Variants in GAREM1 observed in about 807,000 individuals in gnomAD.
The protein encoded by GAREM1 is GRB2-associated and regulator of MAPK protein 1.
In GAREM1, 26 loss-of-function variants were observed where a neutral mutation model predicts 71.3. That is an observed-to-expected ratio of 0.36 (90% CI 0.27 to 0.51). The LOEUF (loss-of-function observed/expected upper bound fraction) is 0.51, where lower values mean the gene tolerates loss of function less well. Among genes scored for constraint, GAREM1 ranks in the 20% least tolerant of loss-of-function variants. GAREM1 has a pLI of 0.95. For synonymous variants in GAREM1, 440 were observed against 433.2 expected (o/e 1.02, Z -0.20); for missense variants, 1,026 against 1,103.1 (o/e 0.93, Z 0.99).
chr18:32,402,378 A>G (rs1385496955), intron 1 of GAREM1, among the ~76,000 whole-genome samples: 1 of 152,216 alleles, frequency 6.6e-6, no homozygotes, highest in African/African-American at 2.4e-5. Context: ...ACACTAGGAT[A>G]ACTAGAATCC....
At chr18:32,455,202 A>G (rs558546479) in intron 1 of GAREM1, among the ~76,000 whole-genome samples, 8 of 152,188 alleles carry the variant, frequency 5.3e-5, no homozygotes, top group Admixed American at 2.0e-4. Flanking sequence ...ATTGCCCTAC[A>G]TTGTTTTTTT....
intron 1 of GAREM1, among the ~76,000 whole-genome samples, chr18:32,398,964 T>C (rs1418363183): frequency 6.6e-6 from 1 of 152,156 alleles, no homozygotes; most frequent in Non-Finnish European, 1.5e-5. Flanking sequence ...AAAGAAGGCT[T>C]ATCCACCATG....
intron 1 of GAREM1, among the ~76,000 whole-genome samples, chr18:32,450,786 AGTAACAATGACAT>A (rs2048829186): frequency 6.6e-6 from 1 of 152,164 alleles, no homozygotes; most frequent in African/African-American, 2.4e-5. Flanking sequence ...GGGTCTTGCC[AGTAACAATGACAT>A]GTAAGAGGGA....
At chr18:32,320,458 C>T (rs527444771) in intron 2 of GAREM1, among the ~76,000 whole-genome samples, 36 of 151,726 alleles carry the variant, frequency 2.4e-4, no homozygotes, top group Non-Finnish European at 4.6e-4. Flanking sequence ...TTTTTCATGG[C>T]GGAGGAAGTG....
intron 2 of GAREM1, among the ~76,000 whole-genome samples, chr18:32,326,400 A>G (rs991437027): frequency 2.0e-5 from 3 of 152,176 alleles, no homozygotes; most frequent in Non-Finnish European, 2.9e-5. Flanking sequence ...GCTTGTTAGG[A>G]ATCAGTCAAA....
At chr18:32,319,360 A>G (rs1026261075) in intron 2 of GAREM1, among the ~76,000 whole-genome samples, 1 of 152,238 alleles carries the variant, frequency 6.6e-6, no homozygotes, top group Non-Finnish European at 1.5e-5. Flanking sequence ...CTTGTATTTT[A>G]ATCTTATGTA....
At chr18:32,346,310 A>C (rs2047696292) in intron 2 of GAREM1, among the ~76,000 whole-genome samples, 1 of 152,218 alleles carries the variant, frequency 6.6e-6, no homozygotes, top group African/African-American at 2.4e-5. Context: ...CAAATTTATA[A>C]TTTTAAATGT....
In GAREM1 at chr18:32,268,292, A is replaced by G; in HGVS notation, c.2210T>C (p.Val737Ala). 1 of 1,614,038 alleles carries G rather than the reference A, an allele frequency of 6.2e-7. No individual in the cohort carries two copies. Among genetic ancestry groups the G allele is most frequent in the African/African-American group, 1.3e-5 (1 of 74,990 alleles). Residue 737 changes from valine (V) to alanine (A), a missense_variant, in exon 6 of 6, where the codon GTC becomes GCC. By Grantham distance (64) the Val-to-Ala change is moderately conservative. Around this residue, in one of 3 missense-constraint regions of GAREM1, gnomAD observed 636 missense variants for 631.2 expected, o/e 1.01. Transcript: ENST00000269209. The part of the protein sequence containing the change: ...PRAPKLVEEK[V>A]ASETSPLPLK... ...AGGCAAAGGAGATGTTTCGGAGGCGACCTTCTCTTCCACTAGTTTTGGAGC... is the reference window on the plus strand; with the variant it reads ...AGGCAAAGGAGATGTTTCGGAGGCGGCCTTCTCTTCCACTAGTTTTGGAGC...
intron 1 of GAREM1, among the ~76,000 whole-genome samples, chr18:32,405,976 TA>T (rs1174587387): frequency 2.0e-4 from 30 of 152,200 alleles, no homozygotes; most frequent in Non-Finnish European, 4.0e-4. Context: ...AACATCTGTA[TA>T]CATAACCCTC....
chr18:32,325,108 G>A (rs891872819), intron 2 of GAREM1, among the ~76,000 whole-genome samples: 1 of 152,024 alleles, frequency 6.6e-6, no homozygotes, highest in Non-Finnish European at 1.5e-5. Flanking sequence ...ACAGCCATGC[G>A]CCACCATGCC....
chr18:32,287,915 G>C lies in GAREM1; in HGVS notation c.682C>G (p.Gln228Glu), dbSNP rs370225304. 5.0e-6 allele frequency: 8 copies of C among 1,614,016 alleles called. No individual in the cohort carries two copies. Among genetic ancestry groups the C allele is most frequent in the African/African-American group, 2.7e-5 (2 of 74,890 alleles). ...RFSTRSPLEL[Q>E]MQEGEHTIRN... ...ATGGTGTGTTCGCCCTCTTGCATCTGAAGTTCCAGGGGACTTCGGGTGCTA... is the reference window on the plus strand; with the variant it reads ...ATGGTGTGTTCGCCCTCTTGCATCTCAAGTTCCAGGGGACTTCGGGTGCTA... Residue 228 changes from glutamine to glutamate, a missense_variant, in exon 4 of 6, where the codon CAG (glutamine) becomes GAG (glutamate). By Grantham distance (29) the Gln-to-Glu change is conservative (BLOSUM62 2). This residue lies in a region of GAREM1 where 218 missense variants were observed against 296.8 expected (regional missense o/e 0.73). Coordinates refer to ENST00000269209, the MANE Select transcript of GAREM1 (RefSeq NM_001242409.2). This position sits in a 1 kb window ranked among gnomAD's most constrained non-coding sequence, Gnocchi z 5.9.
chr18:32,389,782 CAATA>C (rs2048178594), intron 2 of GAREM1, among the ~76,000 whole-genome samples: 1 of 152,078 alleles, frequency 6.6e-6, no homozygotes, highest in South Asian at 2.1e-4. Flanking sequence ...CTAAACCTGG[CAATA>C]AATAGATTCT....
intron 1 of GAREM1, among the ~76,000 whole-genome samples, chr18:32,465,381 T>C (rs2048989656): frequency 6.6e-6 from 1 of 152,200 alleles, no homozygotes; most frequent in South Asian, 2.1e-4. Flanking sequence ...CCCTGGGGCC[T>C]AAGTGTCCAT....
intron 2 of GAREM1, among the ~76,000 whole-genome samples, chr18:32,341,601 T>C (rs2047648444): frequency 6.6e-6 from 1 of 152,236 alleles, no homozygotes; most frequent in South Asian, 2.1e-4. Context: ...ACCAACAGTG[T>C]AAGATAAATG....
chr18:32,404,778 T>C (rs1267793623), intron 1 of GAREM1, among the ~76,000 whole-genome samples: 1 of 152,204 alleles, frequency 6.6e-6, no homozygotes, highest in Non-Finnish European at 1.5e-5. Flanking sequence ...AGCACTGTGG[T>C]AAAGCCTTGT....
chr18:32,346,519 A>G (rs1567973363), intron 2 of GAREM1, among the ~76,000 whole-genome samples: 1 of 152,250 alleles, frequency 6.6e-6, no homozygotes, highest in Non-Finnish European at 1.5e-5. Context: ...GTGACCAAGC[A>G]TGGGTTCGAT....
rs955706952 is a variant in GAREM1, at chr18:32,287,443, C to T, written c.1154G>A (p.Arg385Gln). 6.2e-6 allele frequency: 10 copies of T among 1,614,132 alleles called. No homozygotes were observed. Among genetic ancestry groups the T allele is most frequent in the Admixed American group, 1.7e-5 (1 of 60,024 alleles). Residue 385 changes from arginine to glutamine, a missense_variant, in exon 4 of 6, where the codon CGA (arginine) becomes CAA (glutamine). By Grantham distance (43) the Arg-to-Gln change is conservative. Coordinates refer to ENST00000269209, the MANE Select transcript of GAREM1 (RefSeq NM_001242409.2). The surrounding 1 kb of genome is among the most constrained non-coding windows in gnomAD (Gnocchi z 5.9). ...GTTGCCATACACACAGACCGAGAGT[C>T]GGTGGAAGGACTGGGTGAGCTCATC... ...ARDELTQSFH[R>Q]LSVCVYGNNL...
chr18:32,382,759 G>C (rs1220698015), intron 2 of GAREM1, among the ~76,000 whole-genome samples: 1 of 152,158 alleles, frequency 6.6e-6, no homozygotes, highest in Admixed American at 6.5e-5. Flanking sequence ...GGCTGGAAAG[G>C]AGGAGCAGTT....
At chr18:32,464,834 T>G (rs887528512) in intron 1 of GAREM1, among the ~76,000 whole-genome samples, 1 of 151,732 alleles carries the variant, frequency 6.6e-6, no homozygotes, top group African/African-American at 2.4e-5. Context: ...CTATAATAAG[T>G]AGAATGTAAG....
Sources: gnomAD v4.1 joint callset for allele counts (sites outside exome capture counted in the v4.1 genomes callset) on GRCh38, gnomAD v4.1.1 for gene constraint, gnomAD v4.1.1 regional missense constraint, Gnocchi (gnomAD v3.1) non-coding constraint, MANE v1.5 for transcripts, NCBI Gene and HGNC (gene_info 2026-07-23, HGNC 2026-07-21) for gene names.